DNAAF11: variants seen among roughly 807,000 people sequenced by gnomAD.
DNAAF11 encodes leucine rich repeat containing 6.
DNAAF11 carries 45 observed loss-of-function variants against 60.8 expected under a neutral mutation model. The ratio of observed to expected loss-of-function variants is 0.74; its 90% CI spans 0.58 to 0.95. DNAAF11 has a LOEUF of 0.95. Among genes scored for constraint, DNAAF11 ranks in the 40% least tolerant of loss-of-function variants. The probability of loss-of-function intolerance (pLI) is 0.00; values close to 1 mark genes in which losing one functional copy is unlikely to be tolerated. For synonymous variants in DNAAF11, 191 were observed against 183.5 expected, an observed-to-expected ratio of 1.04 and a Z score of -0.33; for missense variants, 546 against 546.2, an observed-to-expected ratio of 1.00 and a Z score of 0.00.
Position 132,571,494 on chromosome 8 carries a change from T to A in DNAAF11, c.*812A>T. Among the ~76,000 whole-genome samples the A allele has an allele frequency of 7.0e-6, 1 of 142,872 alleles. No individual in the cohort carries two copies. The highest frequency in any genetic ancestry group is 2.6e-5 in the African/African-American group (1 of 38,004). 93.7% of individuals were successfully genotyped at this position (142,872 alleles called of 152,430 possible). A position where few individuals can be genotyped will look rare whatever the true frequency, so the allele number is the denominator to read the frequency against. On this transcript the variant is annotated 3_prime_UTR_variant, in exon 12 of 12. Transcript: ENST00000620350. ...AGAGGAGAAGGAGTGGGATGGGGAGTAAAAAGGTGAAGAAAAAGAATAAGG... is the reference window on the plus strand; with the variant it reads ...AGAGGAGAAGGAGTGGGATGGGGAGAAAAAAGGTGAAGAAAAAGAATAAGG...
chr8:132,620,773 G>A (rs1231633115), intron 7 of DNAAF11, among the ~76,000 whole-genome samples: 2 of 152,188 alleles, frequency 1.3e-5, no homozygotes, highest in African/African-American at 4.8e-5. Flanking sequence ...AGTGGAGGGA[G>A]TTCCCCCAGG....
chr8:132,665,977 A>G (rs912264029), intron 1 of DNAAF11, among the ~76,000 whole-genome samples: 2 of 152,248 alleles, frequency 1.3e-5, no homozygotes, highest in Admixed American at 6.5e-5. Flanking sequence ...CATTATCCCA[A>G]GTGAATTCAT....
chr8:132,651,132 C>G (rs1289847244), intron 3 of DNAAF11, among the ~76,000 whole-genome samples: 1 of 152,104 alleles, frequency 6.6e-6, no homozygotes. Flanking sequence ...GTCTAAAAAT[C>G]TTGGAAATCA....
At chr8:132,649,122 A>G (rs1249302252) in intron 3 of DNAAF11, among the ~76,000 whole-genome samples, 1 of 152,238 alleles carries the variant, frequency 6.6e-6, no homozygotes, top group East Asian at 1.9e-4. Context: ...AAACTATACT[A>G]CAAGGCTACA....
At chr8:132,675,584 G>T (rs538525038), upstream of DNAAF11, 7 of 1,357,586 alleles carry the variant, frequency 5.2e-6, no homozygotes, top group Admixed American at 5.0e-5. Context: ...GCGCGTCCCC[G>T]TCGGAATTCA....
intron 7 of DNAAF11, among the ~76,000 whole-genome samples, chr8:132,617,466 A>C (rs1819289965): frequency 6.6e-6 from 1 of 152,176 alleles, no homozygotes; most frequent in Non-Finnish European, 1.5e-5. Context: ...GTGTATAAGA[A>C]TGCTTGTGAT....
At chr8:132,637,894 C>G in intron 4 of DNAAF11, 41 bp downstream of exon 4, 1 of 1,532,796 alleles carries the variant, frequency 6.5e-7, no homozygotes, top group Non-Finnish European at 8.9e-7. Context: ...GTTGCTCATG[C>G]TCATTTATCT....
intron 7 of DNAAF11, among the ~76,000 whole-genome samples, chr8:132,618,783 A>T (rs1485776468): frequency 6.6e-6 from 1 of 152,198 alleles, no homozygotes; most frequent in Non-Finnish European, 1.5e-5. Context: ...GCTATCATTA[A>T]AAAGTCAGGA....
chr8:132,632,869 T>C lies in DNAAF11; in HGVS notation c.524A>G (p.Asp175Gly). The C allele has an allele frequency of 1.2e-6, 2 of 1,613,802 alleles. No homozygotes were observed. The highest frequency in any genetic ancestry group is 1.7e-6 in the Non-Finnish European group (2 of 1,179,714). Reference protein sequence around the residue: ...IEPQIREQEKDHCLKRAKLKE... With the variant: ...IEPQIREQEKGHCLKRAKLKE... ...GAGTTTGGCTCGTTTAAGACAGTGATCTTTTTCCTGCTCTCTGATTTGTGG... is the reference window on the plus strand; with the variant it reads ...GAGTTTGGCTCGTTTAAGACAGTGACCTTTTTCCTGCTCTCTGATTTGTGG... Residue 175 changes from aspartate to glycine, a missense_variant, in exon 5 of 12, where the codon GAT becomes GGT. Coordinates refer to ENST00000620350, the MANE Select transcript of DNAAF11 (RefSeq NM_012472.6).
intron 10 of DNAAF11, among the ~76,000 whole-genome samples, chr8:132,593,575 T>C (rs1816700736): frequency 6.6e-6 from 1 of 151,328 alleles, no homozygotes; most frequent in Admixed American, 6.6e-5. Context: ...ATAAGCTGAT[T>C]CCTAAATTTA....
intron 10 of DNAAF11, chr8:132,608,426 T>A: frequency 2.3e-6 from 1 of 432,876 alleles, no homozygotes; most frequent in Non-Finnish European, 4.6e-6. Flanking sequence ...ATAAGCCATT[T>A]ATTATTATTT....
chr8:132,613,762 T>C (rs1818885170), intron 8 of DNAAF11, among the ~76,000 whole-genome samples: 1 of 152,226 alleles, frequency 6.6e-6, no homozygotes, highest in Non-Finnish European at 1.5e-5. Context: ...TCGGTCCCTG[T>C]TCACTTTGAC....
At chr8:132,693,938 T>G in the DNAAF11 span, among the ~76,000 whole-genome samples, 1 of 152,134 alleles carries the variant, frequency 6.6e-6, no homozygotes, top group Non-Finnish European at 1.5e-5. Flanking sequence ...GGCTTTTCCT[T>G]GAGGGACATG....
chr8:132,648,389 G>A (rs990912818), intron 3 of DNAAF11, among the ~76,000 whole-genome samples: 11 of 151,854 alleles, frequency 7.2e-5, no homozygotes, highest in Admixed American at 4.6e-4. Context: ...TATGACACAC[G>A]CACAGCCAAT....
At chr8:132,597,950 A>C (rs916055446) in intron 10 of DNAAF11, among the ~76,000 whole-genome samples, 1 of 152,212 alleles carries the variant, frequency 6.6e-6, no homozygotes, top group Non-Finnish European at 1.5e-5. Flanking sequence ...AAATATTGGG[A>C]ACAAAATTTT....
At chr8:132,688,719 C>A in the DNAAF11 span, among the ~76,000 whole-genome samples, 6 of 152,184 alleles carry the variant, frequency 3.9e-5, no homozygotes, top group Admixed American at 3.9e-4. Flanking sequence ...GAGAGAGATC[C>A]CTGAGGACAT....
At chr8:132,599,452 C>G (rs899360153) in intron 10 of DNAAF11, among the ~76,000 whole-genome samples, 3 of 152,160 alleles carry the variant, frequency 2.0e-5, no homozygotes, top group African/African-American at 4.8e-5. Context: ...GATACCAAAG[C>G]CTGGCAGAGA....
At chr8:132,648,658 A>C (rs1161342099) in intron 3 of DNAAF11, among the ~76,000 whole-genome samples, 1 of 152,246 alleles carries the variant, frequency 6.6e-6, no homozygotes, top group Non-Finnish European at 1.5e-5. Flanking sequence ...CAACTTCAGC[A>C]AAGTGTCAGG....
chr8:132,694,566 C>T, the DNAAF11 span, among the ~76,000 whole-genome samples: 6 of 152,138 alleles, frequency 3.9e-5, no homozygotes, highest in African/African-American at 1.4e-4. Context: ...TACAGCAACC[C>T]TAGCAAACTA....
Sources: allele counts gnomAD v4.1 joint callset (sites outside exome capture counted in the v4.1 genomes callset), GRCh38; gene constraint gnomAD v4.1.1; transcripts MANE v1.5; gene names NCBI Gene and HGNC (gene_info 2026-07-23, HGNC 2026-07-21).